The following AGBL4 variants were observed in gnomAD, a reference collection of about 807,000 sequenced individuals.
AGBL4 encodes the protein cytosolic carboxypeptidase 6.
A neutral mutation model predicts 66.4 loss-of-function variants in AGBL4; 58 were observed. That is an observed-to-expected ratio of 0.87 (90% CI 0.71 to 1.09). AGBL4 has a LOEUF of 1.09. AGBL4 is among the 50% of genes least tolerant of loss of function. The pLI, the probability that AGBL4 is intolerant of heterozygous loss-of-function variation, is 0.00. For synonymous variants in AGBL4, 234 were observed against 222.9 expected, an observed-to-expected ratio of 1.05 and a Z score of -0.44; for missense variants, 579 against 631.0, an observed-to-expected ratio of 0.92 and a Z score of 0.88.
At chr1:49,194,175 T>C (rs904380206) in intron 4 of AGBL4, among the ~76,000 whole-genome samples, 5 of 152,202 alleles carry the variant, frequency 3.3e-5, no homozygotes, top group African/African-American at 1.2e-4. Context: ...TAATACTTGT[T>C]TTATGAATCT....
intron 11 of AGBL4, among the ~76,000 whole-genome samples, chr1:48,563,147 G>A (rs778361998): frequency 6.6e-6 from 1 of 152,218 alleles, no homozygotes; most frequent in Admixed American, 6.5e-5. Context: ...CTGCTGCCAA[G>A]TTCATTAATA....
At chr1:49,219,563 A>G (rs929171048) in intron 4 of AGBL4, among the ~76,000 whole-genome samples, 4 of 152,144 alleles carry the variant, frequency 2.6e-5, no homozygotes, top group African/African-American at 4.8e-5. Flanking sequence ...AATGATTCCT[A>G]TATTGTTACT....
chr1:48,978,167 T>C (rs1659489514), intron 5 of AGBL4, among the ~76,000 whole-genome samples: 1 of 152,178 alleles, frequency 6.6e-6, no homozygotes, highest in Non-Finnish European at 1.5e-5. Context: ...ACTTGGAAGG[T>C]CAACTATGTA....
Position 49,855,355 on chromosome 1 carries a change from C to T in AGBL4, c.35-3837G>A, listed in dbSNP as rs190663981. Among the ~76,000 whole-genome samples the T allele has an allele frequency of 3.3e-5, 5 of 152,220 alleles. No individual in the cohort carries two copies. The East Asian group carries it at 5.8e-4, about 18-fold the overall frequency. ...CCCCCACATTCAGCATTGGACACATCATATAGAAAGCAAATCAACAAATTA... is the reference window on the plus strand; with the variant it reads ...CCCCCACATTCAGCATTGGACACATTATATAGAAAGCAAATCAACAAATTA... On this transcript the variant is annotated intron_variant, in intron 1 of 13. Transcript: ENST00000371839.
chr1:49,565,119 G>A (rs1035353641), intron 3 of AGBL4, among the ~76,000 whole-genome samples: 1 of 152,148 alleles, frequency 6.6e-6, no homozygotes, highest in African/African-American at 2.4e-5. Flanking sequence ...TCTGAGACAG[G>A]ATTGCAACCC....
intron 4 of AGBL4, among the ~76,000 whole-genome samples, chr1:49,217,342 G>T (rs1270679223): frequency 6.6e-6 from 1 of 151,782 alleles, no homozygotes; most frequent in Non-Finnish European, 1.5e-5. Context: ...AACATAATTT[G>T]CTCTTTTACA....
At chr1:49,291,983 G>A (rs538849729) in intron 3 of AGBL4, among the ~76,000 whole-genome samples, 9 of 152,350 alleles carry the variant, frequency 5.9e-5, no homozygotes, top group South Asian at 2.1e-4. Flanking sequence ...TGCTCAAACC[G>A]TGTTTGCAGA....
chr1:49,346,578 C>T (rs942191232), intron 3 of AGBL4, among the ~76,000 whole-genome samples: 6 of 152,136 alleles, frequency 3.9e-5, no homozygotes, highest in Non-Finnish European at 7.3e-5. Flanking sequence ...TTAAATTGAA[C>T]ACTTATTTGT....
intron 3 of AGBL4, among the ~76,000 whole-genome samples, chr1:49,511,995 TTA>T (rs1649310283): frequency 6.6e-6 from 1 of 151,996 alleles, no homozygotes; most frequent in African/African-American, 2.4e-5. Context: ...ATCATGAGAA[TTA>T]AATGAGATAT....
At chr1:49,963,957 A>G (rs566421712) in intron 1 of AGBL4, among the ~76,000 whole-genome samples, 1 of 152,260 alleles carries the variant, frequency 6.6e-6, no homozygotes, top group East Asian at 1.9e-4. Context: ...AAAAACTCAT[A>G]TATCTACTGG....
intron 2 of AGBL4, among the ~76,000 whole-genome samples, chr1:49,811,219 T>C (rs766497666): frequency 3.3e-5 from 5 of 152,138 alleles, no homozygotes; most frequent in Admixed American, 6.6e-5. Flanking sequence ...CTGTGGAAAA[T>C]GGTGTTCCAA....
At chr1:49,808,627 C>T (rs1645028520) in intron 2 of AGBL4, among the ~76,000 whole-genome samples, 1 of 152,040 alleles carries the variant, frequency 6.6e-6, no homozygotes, top group South Asian at 2.1e-4. Context: ...ATGAATTATC[C>T]GTTTAAGAAT....
At chr1:48,591,065 A>ACC in intron 9 of AGBL4, 80 bp from the exon 10 acceptor site, 1 of 1,223,402 alleles carries the variant, frequency 8.2e-7, no homozygotes, top group Non-Finnish European at 1.1e-6. Flanking sequence ...CACTACACAC[A>ACC]CACACCCCCC....
chr1:49,305,920 C>T (rs1253946302), intron 3 of AGBL4, among the ~76,000 whole-genome samples: 1 of 152,118 alleles, frequency 6.6e-6, no homozygotes, highest in Non-Finnish European at 1.5e-5. Context: ...AAACTCCCAA[C>T]CTCAGGTGAT....
At chr1:49,199,316 T>A (rs1242350873) in intron 4 of AGBL4, among the ~76,000 whole-genome samples, 1 of 152,198 alleles carries the variant, frequency 6.6e-6, no homozygotes, top group African/African-American at 2.4e-5. Flanking sequence ...AGACTACTTT[T>A]GTATCTGATA....
chr1:49,416,869 A>G (rs41480045), intron 3 of AGBL4, among the ~76,000 whole-genome samples: 4,184 of 152,212 alleles, frequency 0.027, 165 homozygotes, highest in African/African-American at 0.095. Flanking sequence ...TACATGCAAC[A>G]ATGGCAAAAA....
intron 6 of AGBL4, among the ~76,000 whole-genome samples, chr1:48,772,609 C>T (rs1488307336): frequency 1.3e-5 from 2 of 152,046 alleles, no homozygotes; most frequent in African/African-American, 2.4e-5. Flanking sequence ...GAATGCCAGG[C>T]TAAGAAACTA....
At chr1:48,638,529 T>C (rs1369619307) in intron 8 of AGBL4, among the ~76,000 whole-genome samples, 1 of 152,204 alleles carries the variant, frequency 6.6e-6, no homozygotes, top group Admixed American at 6.5e-5. Flanking sequence ...AGTGAAGTGG[T>C]GATAATTGTG....
At chr1:49,884,154 G>C (rs778191429) in intron 1 of AGBL4, among the ~76,000 whole-genome samples, 2 of 151,920 alleles carry the variant, frequency 1.3e-5, no homozygotes, top group East Asian at 3.8e-4. Flanking sequence ...AGCAAAGGCA[G>C]CATGAATTAC....
Sources: gnomAD v4.1 joint callset for allele counts (sites outside exome capture counted in the v4.1 genomes callset) on GRCh38, gnomAD v4.1.1 for gene constraint, MANE v1.5 for transcripts, NCBI Gene and HGNC (gene_info 2026-07-23, HGNC 2026-07-21) for gene names.